Variants in DPH6 observed in about 807,000 individuals in gnomAD.
DPH6 encodes the protein diphthine--ammonia ligase.
In DPH6, 33 loss-of-function variants were observed where a neutral mutation model predicts 38.2. The ratio of observed to expected loss-of-function variants is 0.86; its 90% CI spans 0.65 to 1.15. The LOEUF is 1.15. DPH6 is among the 50% of genes most tolerant of loss of function. DPH6 has a pLI of 0.00. For missense variants in DPH6, 325 were observed against 320.0 expected, an observed-to-expected ratio of 1.02 and a Z score of -0.12; for synonymous variants, 108 against 103.0, an observed-to-expected ratio of 1.05 and a Z score of -0.30.
chr15:35,412,963 C>A (rs2053386645), intron 5 of DPH6, among the ~76,000 whole-genome samples: 1 of 150,754 alleles, frequency 6.6e-6, no homozygotes, highest in South Asian at 2.1e-4. Context: ...CAGCAGTGAA[C>A]CTTAATGTAA....
chr15:35,516,585 C>T (rs2054850921), intron 3 of DPH6, among the ~76,000 whole-genome samples: 1 of 152,154 alleles, frequency 6.6e-6, no homozygotes, highest in Admixed American at 6.5e-5. Context: ...AGGCAAAAAA[C>T]CCACCAACAT....
rs141824084 is a variant in DPH6 at position 35,362,664 on chromosome 15, T to C, written n.207+10857A>G. Among the ~76,000 whole-genome samples the C allele has an allele frequency of 6.6e-5, 10 of 152,206 alleles. No individual in the cohort carries two copies. The East Asian group carries it at 1.7e-3, about 26-fold the overall frequency. ...TCCCTTTAGTCATTGCCCCAAAGAGTTGGAATGTACCTTTAACATTCCACT... is the reference window on the plus strand; with the variant it reads ...TCCCTTTAGTCATTGCCCCAAAGAGCTGGAATGTACCTTTAACATTCCACT... On this transcript the variant is annotated intron_variant and non_coding_transcript_variant, in intron 3 of 3. Transcript: ENST00000558973.
At chr15:35,197,791 C>G in the DPH6 span, among the ~76,000 whole-genome samples, 1 of 152,148 alleles carries the variant, frequency 6.6e-6, no homozygotes, top group Non-Finnish European at 1.5e-5. Context: ...CAAGTGCCCT[C>G]CTTAAAATGC....
At chr15:35,464,201 G>A (rs2054099668) in intron 3 of DPH6, among the ~76,000 whole-genome samples, 2 of 152,094 alleles carry the variant, frequency 1.3e-5, no homozygotes, top group South Asian at 4.2e-4. Flanking sequence ...GGCTGAGGCA[G>A]GAGAATCACT....
At chr15:35,416,686 G>A (rs1289814768) in intron 5 of DPH6, among the ~76,000 whole-genome samples, 2 of 151,936 alleles carry the variant, frequency 1.3e-5, no homozygotes, top group Non-Finnish European at 2.9e-5. Context: ...CTGAATATCT[G>A]AATACTTTAT....
At chr15:35,299,534 G>GCAC in intron 3 of DPH6, 1 of 596,362 alleles carries the variant, frequency 1.7e-6, no homozygotes, top group Non-Finnish European at 3.0e-6. Context: ...GCCAACGGCG[G>GCAC]CACCACCCTC....
intron 3 of DPH6, among the ~76,000 whole-genome samples, chr15:35,226,720 T>G (rs977074655): frequency 2.6e-5 from 4 of 152,192 alleles, no homozygotes; most frequent in African/African-American, 9.7e-5. Flanking sequence ...GTTCATGGAT[T>G]GGAAGAATGA....
rs117968843 is a variant in DPH6, at chr15:35,533,374, T to C, written c.312+4900A>G. On this transcript the variant is annotated intron_variant, in intron 3 of 8. Coordinates refer to ENST00000256538, the MANE Select transcript of DPH6 (RefSeq NM_080650.4). ...AACCACAACTGACTCATGAATATGT[T>C]ACACGTCAGATCAATTAAGTTTCCC... 4.0e-4 allele frequency among the ~76,000 whole-genome samples: 61 copies of C among 152,268 alleles called. No individual in the cohort carries two copies. In the East Asian group the frequency reaches 0.01, roughly 26 times the overall value.
chr15:35,245,008 A>G (rs888571218), intron 3 of DPH6, among the ~76,000 whole-genome samples: 45 of 152,214 alleles, frequency 3.0e-4, no homozygotes, highest in Non-Finnish European at 7.3e-5. Flanking sequence ...ACACTCATGA[A>G]AAATGTAGAC....
chr15:35,235,885 T>A (rs1056341199), intron 3 of DPH6, among the ~76,000 whole-genome samples: 1 of 151,848 alleles, frequency 6.6e-6, no homozygotes, highest in South Asian at 2.1e-4. Context: ...AACTACTCAT[T>A]GTGCTTTCAA....
the DPH6 span, among the ~76,000 whole-genome samples, chr15:35,175,953 C>T: frequency 1.3e-5 from 2 of 152,158 alleles, no homozygotes; most frequent in African/African-American, 4.8e-5. Context: ...TCAAGTCAAA[C>T]GTGGAGAAAA....
intron 6 of DPH6, among the ~76,000 whole-genome samples, chr15:35,397,910 C>G: frequency 6.6e-6 from 1 of 151,446 alleles, no homozygotes; most frequent in African/African-American, 2.4e-5. Context: ...CACACACACA[C>G]ACACAAGATT....
intron 5 of DPH6, among the ~76,000 whole-genome samples, chr15:35,416,785 T>G (rs943773898): frequency 2.6e-5 from 4 of 152,084 alleles, no homozygotes; most frequent in African/African-American, 9.7e-5. Context: ...CCATATGCCA[T>G]GTACTGCAGA....
chr15:35,400,490 G>A (rs2053202335), intron 6 of DPH6, among the ~76,000 whole-genome samples: 1 of 152,158 alleles, frequency 6.6e-6, no homozygotes, highest in African/African-American at 2.4e-5. Flanking sequence ...AGTGAATCAT[G>A]AAGTAGTAAT....
chr15:35,258,212 C>T (rs2051720799), intron 3 of DPH6, among the ~76,000 whole-genome samples: 1 of 152,028 alleles, frequency 6.6e-6, no homozygotes, highest in African/African-American at 2.4e-5. Flanking sequence ...GGCAAAAGAC[C>T]ACTAATGGTG....
chr15:35,359,720 C>CG (rs1183106506), intron 3 of DPH6, among the ~76,000 whole-genome samples: 2 of 152,122 alleles, frequency 1.3e-5, no homozygotes, highest in Non-Finnish European at 2.9e-5. Flanking sequence ...CAGTTTTGGG[C>CG]GGGGGGACTC....
the DPH6 span, among the ~76,000 whole-genome samples, chr15:35,202,706 G>T: frequency 0.11 from 16,732 of 151,592 alleles, 1,338 homozygotes; most frequent in East Asian, 0.3. Flanking sequence ...GTACAGCATC[G>T]TTCTCTAAGA....
At chr15:35,316,550 GA>G (rs2140836162) in intron 3 of DPH6, among the ~76,000 whole-genome samples, 2 of 152,236 alleles carry the variant, frequency 1.3e-5, no homozygotes, top group Admixed American at 1.3e-4. Flanking sequence ...AGAAATGCCA[GA>G]AAGTATTTAA....
chr15:35,528,458 T>G (rs1254372951), intron 3 of DPH6, among the ~76,000 whole-genome samples: 1 of 152,212 alleles, frequency 6.6e-6, no homozygotes, highest in African/African-American at 2.4e-5. Context: ...GTACCTTATA[T>G]AGACTTTTTG....
Sources: allele counts gnomAD v4.1 joint callset (sites outside exome capture counted in the v4.1 genomes callset), GRCh38; gene constraint gnomAD v4.1.1; transcripts MANE v1.5; gene names NCBI Gene and HGNC (gene_info 2026-07-23, HGNC 2026-07-21).